XRCC4: variants seen among roughly 807,000 people sequenced by gnomAD.
XRCC4 encodes the protein DNA repair protein XRCC4.
A neutral mutation model predicts 39.1 loss-of-function variants in XRCC4; 28 were observed. That is an observed-to-expected ratio of 0.72 (90% CI 0.53 to 0.98). The LOEUF (loss-of-function observed/expected upper bound fraction) is 0.98, where lower values mean the gene tolerates loss of function less well. Among genes scored for constraint, XRCC4 ranks in the 50% least tolerant of loss-of-function variants. The pLI, the probability that XRCC4 is intolerant of heterozygous loss-of-function variation, is 0.00. For synonymous variants in XRCC4, 123 were observed against 126.4 expected (o/e 0.97, Z 0.18); for missense variants, 350 against 376.4 (o/e 0.93, Z 0.58).
intron 3 of XRCC4, among the ~76,000 whole-genome samples, chr5:83,189,022 C>T (rs986138055): frequency 6.6e-6 from 1 of 152,204 alleles, no homozygotes; most frequent in Non-Finnish European, 1.5e-5. Flanking sequence ...TAATAGGCAA[C>T]CCCTGCCCTC....
intron 2 of XRCC4, among the ~76,000 whole-genome samples, chr5:83,109,459 A>G (rs1248156352): frequency 6.6e-6 from 1 of 151,988 alleles, no homozygotes; most frequent in African/African-American, 2.4e-5. Flanking sequence ...ATTAAAATAG[A>G]TAAGTGTAAT....
intron 7 of XRCC4, chr5:83,259,346 T>C (rs968850088): frequency 6.6e-6 from 1 of 152,254 alleles, no homozygotes; most frequent in East Asian, 1.9e-4. Flanking sequence ...TTTTCTAAAG[T>C]TTTTGTTAAT....
intron 3 of XRCC4, among the ~76,000 whole-genome samples, chr5:83,117,784 A>T (rs991898588): frequency 4.0e-5 from 6 of 151,836 alleles, no homozygotes; most frequent in Non-Finnish European, 8.8e-5. Context: ...CAGGATGTGT[A>T]GGTTTGTTAC....
chr5:83,251,131 A>G (rs552998177), intron 6 of XRCC4, among the ~76,000 whole-genome samples: 1 of 152,370 alleles, frequency 6.6e-6, no homozygotes, highest in East Asian at 1.9e-4. Flanking sequence ...AGAATAGTTC[A>G]TAAAACACTC....
At chr5:83,237,492 A>AT (rs1456100356) in intron 6 of XRCC4, among the ~76,000 whole-genome samples, 5 of 152,082 alleles carry the variant, frequency 3.3e-5, no homozygotes, top group African/African-American at 1.2e-4. Context: ...TCTCATTCAT[A>AT]TGTGGGAGCT....
At chr5:83,100,587 C>T (rs566170040) in intron 1 of XRCC4, among the ~76,000 whole-genome samples, 1 of 152,028 alleles carries the variant, frequency 6.6e-6, no homozygotes, top group South Asian at 2.1e-4. Flanking sequence ...TAACAATAGC[C>T]ATGGTTCTTA....
chr5:83,355,345 C>T (rs1383324594), downstream of XRCC4, among the ~76,000 whole-genome samples: 1 of 152,106 alleles, frequency 6.6e-6, no homozygotes, highest in East Asian at 1.9e-4. Context: ...TCTCCTCTCC[C>T]GGTGGAACAT....
intron 7 of XRCC4, among the ~76,000 whole-genome samples, chr5:83,341,196 T>TAA (rs34326210): frequency 1.7e-4 from 25 of 144,856 alleles, no homozygotes; most frequent in East Asian, 1.4e-3. Context: ...GTATAAGGTT[T>TAA]AAAAAAAAAA....
Position 83,270,791 on chromosome 5 carries a change from A to G in XRCC4, c.893+12114A>G, listed in dbSNP as rs1036658349. ...AAAATATATACATATATATATGTAT[A>G]TATTTTTTTTTTGAGACAGAGTCTC... On this transcript the variant is annotated intron_variant, in intron 7 of 7. Coordinates refer to ENST00000396027, the MANE Select transcript of XRCC4 (RefSeq NM_003401.5). Among the ~76,000 whole-genome samples the G allele has an allele frequency of 1.3e-3, 18 of 14,180 alleles. 1 individual carries two copies. Among genetic ancestry groups the G allele is most frequent in the Non-Finnish European group, 2.3e-4 (1 of 4,290 alleles). 9.3% of individuals were successfully genotyped at this position (14,180 alleles called of 152,430 possible).
intron 7 of XRCC4, among the ~76,000 whole-genome samples, chr5:83,296,931 G>A (rs2062227): frequency 0.04 from 6,010 of 151,890 alleles, 303 homozygotes; most frequent in African/African-American, 0.12. Flanking sequence ...CCATTAAATA[G>A]AAACAATTCG....
At chr5:83,333,710 G>A (rs765641991) in intron 7 of XRCC4, among the ~76,000 whole-genome samples, 4 of 151,330 alleles carry the variant, frequency 2.6e-5, no homozygotes, top group Non-Finnish European at 5.9e-5. Flanking sequence ...TTATAACCAC[G>A]TTCTATTTTG....
intron 6 of XRCC4, among the ~76,000 whole-genome samples, chr5:83,224,675 T>C (rs77700880): frequency 0.038 from 5,764 of 152,230 alleles, 360 homozygotes; most frequent in African/African-American, 0.13. Context: ...AGAACTTCTT[T>C]AGCCTTTTTT....
chr5:83,287,955 G>C (rs139433531), intron 7 of XRCC4, among the ~76,000 whole-genome samples: 26 of 151,638 alleles, frequency 1.7e-4, no homozygotes, highest in African/African-American at 6.0e-4. Flanking sequence ...CACTGCTTTC[G>C]TTGCATCCCA....
At chr5:83,228,657 C>T (rs185576234) in intron 6 of XRCC4, among the ~76,000 whole-genome samples, 46 of 151,938 alleles carry the variant, frequency 3.0e-4, no homozygotes, top group African/African-American at 1.0e-3. Flanking sequence ...ACAAAAATAC[C>T]ATCTGATAGT....
chr5:83,372,752 C>T, the XRCC4 span, among the ~76,000 whole-genome samples: 1 of 152,102 alleles, frequency 6.6e-6, no homozygotes. Context: ...AGTCCTCATA[C>T]TCAAAAAACT....
intron 3 of XRCC4, among the ~76,000 whole-genome samples, chr5:83,149,027 C>T (rs1580293789): frequency 6.6e-6 from 1 of 152,150 alleles, no homozygotes; most frequent in Non-Finnish European, 1.5e-5. Context: ...CTATCCAAAG[C>T]AAGACCTTTG....
the XRCC4 span, among the ~76,000 whole-genome samples, chr5:83,365,453 G>A: frequency 6.6e-6 from 1 of 152,180 alleles, no homozygotes; most frequent in Non-Finnish European, 1.5e-5. Flanking sequence ...TTCACATGGT[G>A]AGTGTTCCAC....
chr5:83,295,001 A>C (rs1013081225), intron 7 of XRCC4, among the ~76,000 whole-genome samples: 2 of 152,052 alleles, frequency 1.3e-5, no homozygotes, highest in Admixed American at 1.3e-4. Flanking sequence ...CATATCTCAA[A>C]GTTTTTTATG....
At chr5:83,096,617 A>G (rs1014707744) in intron 1 of XRCC4, among the ~76,000 whole-genome samples, 6 of 152,160 alleles carry the variant, frequency 3.9e-5, no homozygotes, top group African/African-American at 1.2e-4. Context: ...CTGAATCCCA[A>G]GACTCCTACA....
Sources: gnomAD v4.1 joint callset for allele counts (sites outside exome capture counted in the v4.1 genomes callset) on GRCh38, gnomAD v4.1.1 for gene constraint, MANE v1.5 for transcripts, NCBI Gene and HGNC (gene_info 2026-07-23, HGNC 2026-07-21) for gene names.